EBF1: variants seen among roughly 807,000 people sequenced by gnomAD.
The protein encoded by EBF1 is transcription factor COE1.
A neutral mutation model predicts 68.4 loss-of-function variants in EBF1; 10 were observed. The observed-to-expected ratio is 0.15, with a 90% confidence interval of 0.09 to 0.25. The LOEUF is 0.25. Ranked by LOEUF, EBF1 falls within the 10% of genes least tolerant of loss-of-function variation. EBF1 has a pLI of 1.00. For synonymous variants in EBF1, 298 were observed against 299.8 expected, an observed-to-expected ratio of 0.99 and a Z score of 0.06; for missense variants, 509 against 794.4, an observed-to-expected ratio of 0.64 and a Z score of 4.32.
At chr5:158,897,198 A>C (rs1180797377) in intron 6 of EBF1, among the ~76,000 whole-genome samples, 1 of 152,244 alleles carries the variant, frequency 6.6e-6, no homozygotes, top group Non-Finnish European at 1.5e-5. Flanking sequence ...CTGGATAAAG[A>C]AAATGTGGTA....
At chr5:159,050,855 C>A (rs1407438403) in intron 6 of EBF1, among the ~76,000 whole-genome samples, 2 of 152,270 alleles carry the variant, frequency 1.3e-5, no homozygotes, top group East Asian at 3.9e-4. Context: ...CTTTTTAATT[C>A]CCCATTCTGG....
chr5:158,710,446 CTG>C (rs1337627791), intron 14 of EBF1, among the ~76,000 whole-genome samples: 5 of 152,096 alleles, frequency 3.3e-5, no homozygotes, highest in Non-Finnish European at 5.9e-5. Flanking sequence ...CATTTTCTGA[CTG>C]AATAAATGGG....
intron 6 of EBF1, among the ~76,000 whole-genome samples, chr5:158,978,372 T>C (rs1157761993): frequency 6.6e-6 from 1 of 152,252 alleles, no homozygotes; most frequent in Admixed American, 6.5e-5. Context: ...GTGGAACTAC[T>C]GCACACTTGA....
chr5:158,899,319 A>G (rs1201854036), intron 6 of EBF1, among the ~76,000 whole-genome samples: 1 of 152,264 alleles, frequency 6.6e-6, no homozygotes, highest in African/African-American at 2.4e-5. Flanking sequence ...GTGATAGTGT[A>G]AGAGATAATC....
intron 2 of EBF1, 44 bp downstream of exon 2, chr5:159,096,930 G>A (rs574255539): frequency 6.2e-7 from 1 of 1,603,298 alleles, no homozygotes; most frequent in Non-Finnish European, 8.5e-7. Flanking sequence ...GCCTGCTCCC[G>A]AGCCGAGCCG....
At chr5:158,857,760 C>T (rs1794313158) in intron 6 of EBF1, among the ~76,000 whole-genome samples, 1 of 152,122 alleles carries the variant, frequency 6.6e-6, no homozygotes, top group Non-Finnish European at 1.5e-5. Context: ...TTATAAGTTG[C>T]TTCTTGGTCT....
intron 5 of EBF1, among the ~76,000 whole-genome samples, chr5:159,074,603 T>A (rs983577913): frequency 1.1e-4 from 16 of 152,202 alleles, no homozygotes; most frequent in African/African-American, 2.9e-4. Context: ...AACTTCATCT[T>A]CAGGACCCAG....
intron 6 of EBF1, among the ~76,000 whole-genome samples, chr5:158,966,168 G>A (rs1027215042): frequency 2.0e-5 from 3 of 152,102 alleles, no homozygotes; most frequent in African/African-American, 7.2e-5. Flanking sequence ...TGACTCTTGG[G>A]AAAATGTTTT....
rs530479796 is a variant in EBF1 at position 158,884,894 on chromosome 5, A to G, written c.555-44784T>C. Among the ~76,000 whole-genome samples the G allele has an allele frequency of 4.6e-5, 7 of 152,354 alleles. No individual in the cohort carries two copies. The South Asian group carries it at 8.3e-4, about 18-fold the overall frequency. On this transcript the variant is annotated intron_variant, in intron 6 of 15. Coordinates refer to ENST00000313708, the MANE Select transcript of EBF1 (RefSeq NM_024007.5). ...GACACAGAGAAATTAAAATTTACCC[A>G]AAGTCACCCAGCTACTGAGAGGGAG...
chr5:159,018,392 T>G (rs1766019454), intron 6 of EBF1, among the ~76,000 whole-genome samples: 1 of 152,224 alleles, frequency 6.6e-6, no homozygotes. Context: ...TAGAGTGCAG[T>G]ATGCATGCGT....
intron 10 of EBF1, among the ~76,000 whole-genome samples, chr5:158,756,044 A>G (rs1375432734): frequency 6.6e-6 from 1 of 152,182 alleles, no homozygotes; most frequent in Admixed American, 6.5e-5. Context: ...TAAAGAGCTC[A>G]GCAGCAAACC....
At chr5:159,079,508 G>A (rs1425343857) in intron 5 of EBF1, among the ~76,000 whole-genome samples, 1 of 151,800 alleles carries the variant, frequency 6.6e-6, no homozygotes, top group African/African-American at 2.4e-5. Context: ...AAGTTTACCA[G>A]TGACTGTCTG....
intron 6 of EBF1, among the ~76,000 whole-genome samples, chr5:159,038,136 A>G (rs1770455592): frequency 6.6e-6 from 1 of 152,088 alleles, no homozygotes; most frequent in Non-Finnish European, 1.5e-5. Context: ...AGACCATTTC[A>G]TTTCTTATCT....
chr5:159,019,646 A>G (rs1302281832), intron 6 of EBF1, among the ~76,000 whole-genome samples: 1 of 152,212 alleles, frequency 6.6e-6, no homozygotes, highest in Non-Finnish European at 1.5e-5. Flanking sequence ...GGTTTCAAAG[A>G]TTGCAAAGAT....
chr5:158,720,484 T>C (rs905339051), intron 11 of EBF1, among the ~76,000 whole-genome samples: 2 of 152,104 alleles, frequency 1.3e-5, no homozygotes, highest in African/African-American at 4.8e-5. Flanking sequence ...TTCTAAAAAA[T>C]CAGTATAATG....
chr5:159,098,647 A>C (rs1345581475), intron 1 of EBF1, among the ~76,000 whole-genome samples: 1 of 151,446 alleles, frequency 6.6e-6, no homozygotes, highest in Non-Finnish European at 1.5e-5. Context: ...AAATTAAGGG[A>C]AGGTGGGGGA....
chr5:158,903,907 G>A (rs1438985102), intron 6 of EBF1, among the ~76,000 whole-genome samples: 1 of 152,124 alleles, frequency 6.6e-6, no homozygotes, highest in Non-Finnish European at 1.5e-5. Flanking sequence ...AAGTGGGCAG[G>A]TACTATCATG....
chr5:158,874,991 A>G (rs1797546344), intron 6 of EBF1, among the ~76,000 whole-genome samples: 1 of 151,790 alleles, frequency 6.6e-6, no homozygotes, highest in African/African-American at 2.4e-5. Flanking sequence ...ATATTTTATG[A>G]AGGCTAAAAC....
intron 10 of EBF1, among the ~76,000 whole-genome samples, chr5:158,745,263 C>T (rs769653068): frequency 6.6e-6 from 1 of 152,126 alleles, no homozygotes; most frequent in Non-Finnish European, 1.5e-5. Context: ...ATATTTGTTG[C>T]TATTAGCTCG....
Sources: allele counts gnomAD v4.1 joint callset (sites outside exome capture counted in the v4.1 genomes callset), GRCh38; gene constraint gnomAD v4.1.1; transcripts MANE v1.5; gene names NCBI Gene and HGNC (gene_info 2026-07-23, HGNC 2026-07-21).